CLEC4D: variants seen among roughly 807,000 people sequenced by gnomAD.
CLEC4D encodes the protein C-type (calcium dependent, carbohydrate-recognition domain) lectin, superfamily member 8.
A neutral mutation model predicts 21.1 loss-of-function variants in CLEC4D; 21 were observed. The observed-to-expected ratio is 1.00, with a 90% CI of 0.71 to 1.43. The LOEUF (loss-of-function observed/expected upper bound fraction) is 1.43. Ranked by LOEUF, CLEC4D falls within the 40% of genes most tolerant of loss-of-function variation. The pLI is 0.00. For synonymous variants in CLEC4D, 85 were observed against 83.1 expected (o/e 1.02, Z -0.12); for missense variants, 289 against 260.7 (o/e 1.11, Z -0.75).
At chr12:8,526,940 C>G (rs144444393), downstream of CLEC4D, among the ~76,000 whole-genome samples, 2,045 of 152,054 alleles carry the variant, frequency 0.013, 47 homozygotes, top group African/African-American at 0.045. Flanking sequence ...TTTCAATGGT[C>G]AGGTCCCTCT....
At chr12:8,519,816 T>A (rs1940434339) in intron 4 of CLEC4D, among the ~76,000 whole-genome samples, 2 of 152,234 alleles carry the variant, frequency 1.3e-5, no homozygotes, top group South Asian at 4.1e-4. Context: ...GTTAATAGTT[T>A]CCTCAAGGAT....
the CLEC4D span, among the ~76,000 whole-genome samples, chr12:8,529,173 T>A: frequency 6.6e-6 from 1 of 152,186 alleles, no homozygotes; most frequent in Non-Finnish European, 1.5e-5. Context: ...TCCGTTCAGA[T>A]TGGGAAAGGA....
chr12:8,521,539 C>T lies in CLEC4D; in HGVS notation c.*268C>T. The T allele has an allele frequency of 2.0e-6, 1 of 497,272 alleles. No individual in the cohort carries two copies. Among genetic ancestry groups the T allele is most frequent in the Non-Finnish European group, 2.9e-6 (1 of 339,648 alleles). The allele number at this position is 497,272 out of a possible 1,614,324, so 30.8% of individuals were successfully genotyped here. A position where few individuals can be genotyped will look rare whatever the true frequency, so the allele number is the denominator to read the frequency against. Reference sequence around the variant, plus strand: ...TCTTAGTAGTATTTCAAGGTGTTTACTTTTCAATTGGTGTGCACTGAATGC... The same window carrying T: ...TCTTAGTAGTATTTCAAGGTGTTTATTTTTCAATTGGTGTGCACTGAATGC... On this transcript the variant is annotated 3_prime_UTR_variant, in exon 6 of 6. Transcript: ENST00000299665.
Position 8,521,447 on chromosome 12 carries a change from T to TGA in CLEC4D, c.*177_*178insAG, listed in dbSNP as rs1380896338. ...TCGAGACAACATGTGTGTATGTGTGTGTGTGTGTGTGTAGATAATGTGGTT... is the reference window on the plus strand; with the variant it reads ...TCGAGACAACATGTGTGTATGTGTGTGAGTGTGTGTGTGTAGATAATGTGGTT... On this transcript the variant is annotated 3_prime_UTR_variant, in exon 6 of 6. Transcript: ENST00000299665. 2.3e-6 allele frequency: 3 copies of TGA among 1,289,642 alleles called. No homozygotes were observed. Among genetic ancestry groups the TGA allele is most frequent in the Admixed American group, 3.2e-5 (1 of 31,470 alleles). 79.9% of individuals were successfully genotyped at this position (1,289,642 alleles called of 1,614,324 possible).
chr12:8,520,601 A>T (rs571218869), intron 5 of CLEC4D, among the ~76,000 whole-genome samples: 3 of 152,222 alleles, frequency 2.0e-5, no homozygotes, highest in Non-Finnish European at 4.4e-5. Flanking sequence ...TTTAGGCTTG[A>T]CATTTAAATA....
the CLEC4D span, among the ~76,000 whole-genome samples, chr12:8,531,009 C>A: frequency 4.8e-4 from 73 of 152,332 alleles, no homozygotes; most frequent in African/African-American, 1.7e-3. Flanking sequence ...CCTCACCCTG[C>A]CCGGTGCCCT....
chr12:8,518,259 C>G lies in CLEC4D; in HGVS notation c.217C>G (p.Leu73Val), dbSNP rs749900387. 51 of 1,182,998 alleles carry G rather than the reference C, an allele frequency of 4.3e-5. No individual in the cohort carries two copies. The highest frequency in any genetic ancestry group is 8.5e-5 in the Admixed American group (5 of 58,864). The allele number at this position is 1,182,998 out of a possible 1,614,324, so 73.3% of individuals were successfully genotyped here. A position where few individuals can be genotyped will look rare whatever the true frequency, so the allele number is the denominator to read the frequency against. ...CAAATGCATCAAAGAGAAATCAGAA[C>G]TGAAAAGTGCTGAAGGTACAGAGTG... ...KLKCIKEKSE[L>V]KSAEGSTWNC... The change falls in exon 3 of 6, where the codon CTG becomes GTG. Residue 73 changes from leucine to valine, a missense_variant. Coordinates refer to ENST00000299665, the MANE Select transcript of CLEC4D (RefSeq NM_080387.5).
chr12:8,518,201 A>AGC lies in CLEC4D; in HGVS notation c.160_161insCG (p.Gly54AlafsTer6), dbSNP rs1940407416. On this transcript the variant is annotated frameshift_variant, in exon 3 of 6. Transcript: ENST00000299665. LOFTEE classifies it high-confidence loss of function. Reference sequence around the variant, plus strand: ...ACTTTTCACGCTGTAAGAGAGGCACAGGAGTGCACAAGTTAGAGCACCATG... The same window carrying AGC: ...ACTTTTCACGCTGTAAGAGAGGCACAGCGGAGTGCACAAGTTAGAGCACCATG... 7.1e-7 allele frequency: 1 copy of AGC among 1,415,498 alleles called. No individual in the cohort carries two copies. The highest frequency in any genetic ancestry group is 1.0e-6 in the Non-Finnish European group (1 of 999,054). 87.7% of individuals were successfully genotyped at this position (1,415,498 alleles called of 1,614,324 possible). A position where few individuals can be genotyped will look rare whatever the true frequency, so the allele number is the denominator to read the frequency against.
At chr12:8,524,596 T>C (rs900206441), downstream of CLEC4D, among the ~76,000 whole-genome samples, 5 of 152,178 alleles carry the variant, frequency 3.3e-5, no homozygotes, top group African/African-American at 1.2e-4. Flanking sequence ...TCTCTCTTCT[T>C]TATTAGTCTA....
At chr12:8,520,679 C>T (rs1591720763) in intron 5 of CLEC4D, among the ~76,000 whole-genome samples, 1 of 152,094 alleles carries the variant, frequency 6.6e-6, no homozygotes, top group East Asian at 1.9e-4. Flanking sequence ...TTCTTGAAGC[C>T]AGTATCGTTT....
rs978252552 is a variant in CLEC4D, at chr12:8,515,231, C to T, written c.29-5C>T. On this transcript the variant is annotated splice_region_variant and splice_polypyrimidine_tract_variant and intron_variant, in intron 1 of 5. Coordinates refer to ENST00000299665, the MANE Select transcript of CLEC4D (RefSeq NM_080387.5). Reference sequence around the variant, plus strand: ...GGTTAATCTCTATTTTTCTTTTGGTCCTAGTGGAAGGAGGCATGCATCCCC... The same window carrying T: ...GGTTAATCTCTATTTTTCTTTTGGTTCTAGTGGAAGGAGGCATGCATCCCC... 1.5e-6 allele frequency: 2 copies of T among 1,298,642 alleles called. No homozygotes were observed. The highest frequency in any genetic ancestry group is 1.2e-5 in the South Asian group (1 of 84,778). The allele number at this position is 1,298,642 out of a possible 1,614,324, so 80.4% of individuals were successfully genotyped here. A position where few individuals can be genotyped will look rare whatever the true frequency, so the allele number is the denominator to read the frequency against.
downstream of CLEC4D, among the ~76,000 whole-genome samples, chr12:8,523,789 A>T (rs982304510): frequency 6.6e-6 from 1 of 152,172 alleles, no homozygotes; most frequent in Non-Finnish European, 1.5e-5. Context: ...TTTCAAAGAA[A>T]ATTCTTCCAG....
intron 5 of CLEC4D, 63 bp from the exon 6 acceptor site, chr12:8,521,061 C>T (rs1940450925): frequency 6.5e-7 from 1 of 1,550,062 alleles, no homozygotes; most frequent in South Asian, 1.2e-5. Flanking sequence ...ATCTAATCTA[C>T]ACCTATAATC....
At chr12:8,515,393 G>T in intron 2 of CLEC4D, 65 bp downstream of exon 2, 1 of 849,818 alleles carries the variant, frequency 1.2e-6, no homozygotes, top group Non-Finnish European at 2.0e-6. Flanking sequence ...TTCTGAAGTT[G>T]CTCTAAGCCT....
intron 1 of CLEC4D, among the ~76,000 whole-genome samples, chr12:8,514,440 ATG>A (rs1167458590): frequency 6.6e-6 from 1 of 152,128 alleles, no homozygotes; most frequent in African/African-American, 2.4e-5. Context: ...AGATTACAGT[ATG>A]TGTTTTCTAT....
At position 8,513,744 on chromosome 12, in the gene CLEC4D, A is replaced by T; in HGVS notation, c.12A>T (p.Glu4Asp). 1 of 1,142,700 alleles carries T rather than the reference A, an allele frequency of 8.8e-7. No individual in the cohort carries two copies. Among genetic ancestry groups the T allele is most frequent in the Non-Finnish European group, 1.3e-6 (1 of 751,794 alleles). 70.8% of individuals were successfully genotyped at this position (1,142,700 alleles called of 1,614,324 possible). Residue 4 changes from glutamate (E) to aspartate (D), a missense_variant, in exon 1 of 6, where the codon GAA (glutamate) becomes GAT (aspartate). Transcript: ENST00000299665. ...AGACTAATTAGACAATGGGGCTAGAAAAACCTCAAAGTAAACGTGAGTACT... is the reference window on the plus strand; with the variant it reads ...AGACTAATTAGACAATGGGGCTAGATAAACCTCAAAGTAAACGTGAGTACT... The part of the protein sequence containing the change: MGL[E>D]KPQSKLEGGM...
Position 8,521,440 on chromosome 12 carries a change from A to ATGTG in CLEC4D, c.*185_*188dup, listed in dbSNP as rs138070495. The ATGTG allele has an allele frequency of 1.0e-5, 13 of 1,291,880 alleles. No individual in the cohort carries two copies. In the African/African-American group the frequency reaches 1.1e-4, roughly 11 times the overall value. The allele number at this position is 1,291,880 out of a possible 1,614,324, so 80.0% of individuals were successfully genotyped here. ...GATTCATTCGAGACAACATGTGTGT[A>ATGTG]TGTGTGTGTGTGTGTGTGTAGATAA... is the stretch of plus-strand genomic sequence containing the variant. On this transcript the variant is annotated 3_prime_UTR_variant, in exon 6 of 6. Transcript: ENST00000299665.
chr12:8,527,047 G>C (rs1421220126), downstream of CLEC4D, among the ~76,000 whole-genome samples: 3 of 152,168 alleles, frequency 2.0e-5, no homozygotes, highest in Non-Finnish European at 4.4e-5. Flanking sequence ...AGGCTGGAGA[G>C]CAGCAAAGAC....
At chr12:8,525,405 T>C (rs1320354091), downstream of CLEC4D, among the ~76,000 whole-genome samples, 3 of 152,250 alleles carry the variant, frequency 2.0e-5, no homozygotes, top group Non-Finnish European at 4.4e-5. Flanking sequence ...CATATACATT[T>C]AGAGTAGTTA....
Sources: gnomAD v4.1 joint callset for allele counts (sites outside exome capture counted in the v4.1 genomes callset) on GRCh38, gnomAD v4.1.1 for gene constraint, MANE v1.5 for transcripts, NCBI Gene and HGNC (gene_info 2026-07-23, HGNC 2026-07-21) for gene names.